Variants in TFCP2L1 observed in about 807,000 individuals in gnomAD.
The protein encoded by TFCP2L1 is transcription factor CP2 like 1.
In TFCP2L1, 12 loss-of-function variants were observed where a neutral mutation model predicts 72.2. That is an observed-to-expected ratio of 0.17 (90% CI 0.11 to 0.27). TFCP2L1 has a LOEUF of 0.27. Among genes scored for constraint, TFCP2L1 ranks in the 10% least tolerant of loss-of-function variants. The probability of loss-of-function intolerance (pLI) is 1.00; values close to 1 mark genes in which losing one functional copy is unlikely to be tolerated. For missense variants in TFCP2L1, 488 were observed against 624.6 expected (o/e 0.78, Z 2.33); for synonymous variants, 260 against 251.0 (o/e 1.04, Z -0.34).
At chr2:121,281,368 C>A (rs1687257426) in intron 1 of TFCP2L1, 97 bp from the exon 2 acceptor site, 7 of 1,391,154 alleles carry the variant, frequency 5.0e-6, no homozygotes, top group South Asian at 1.4e-5. Context: ...ACCACCGGGG[C>A]CCAGGGTGAC....
intron 12 of TFCP2L1, 64 bp downstream of exon 12, chr2:121,234,027 C>T (rs910553251): frequency 1.8e-5 from 25 of 1,423,864 alleles, no homozygotes; most frequent in Admixed American, 8.4e-5. Context: ...GGCCAGACTG[C>T]GGGCTTGAAA....
Position 121,246,920 on chromosome 2 carries a change from C to T in TFCP2L1, c.555G>A (p.Lys185=). 1.2e-6 allele frequency: 2 copies of T among 1,614,174 alleles called. No homozygotes were observed. Among genetic ancestry groups the T allele is most frequent in the South Asian group, 2.2e-5 (2 of 91,068 alleles). ...CAATCTGGACTCGAAAGGGCACTCC[C>T]TTCTCGCCCCCGTGCTTCCTGGGGG... is the stretch of plus-strand genomic sequence containing the variant. ...EFTPRKHGGE[K]GVPFRVQIDT... is the part of the protein sequence containing the mutation. The change falls in exon 6 of 15, where the codon AAG becomes AAA. Residue 185 remains lysine, a synonymous_variant. Coordinates refer to ENST00000263707, the MANE Select transcript of TFCP2L1 (RefSeq NM_014553.3).
intron 3 of TFCP2L1, 67 bp downstream of exon 3, chr2:121,249,495 CCCCAGCAAG>C: frequency 6.9e-7 from 1 of 1,454,652 alleles, no homozygotes; most frequent in Non-Finnish European, 9.6e-7. Context: ...CCGTGCCCAA[CCCCAGCAAG>C]CCCAGGTGCC....
chr2:121,247,051 G>A, intron 5 of TFCP2L1, 81 bp from the exon 6 acceptor site: 1 of 1,542,924 alleles, frequency 6.5e-7, no homozygotes, highest in Non-Finnish European at 8.8e-7. Flanking sequence ...CCCTCTATTG[G>A]AGGTGTCCTT....
intron 2 of TFCP2L1, among the ~76,000 whole-genome samples, chr2:121,278,337 T>G (rs1241183477): frequency 2.7e-5 from 4 of 148,932 alleles, no homozygotes; most frequent in African/African-American, 7.4e-5. Flanking sequence ...CGCCCGGCCC[T>G]TTTTCTCTCT....
At chr2:121,224,474 G>A (rs1374460668) in intron 14 of TFCP2L1, 87 bp from the exon 15 acceptor site, 21 of 1,426,596 alleles carry the variant, frequency 1.5e-5, no homozygotes, top group Non-Finnish European at 1.8e-5. Flanking sequence ...ACGCTGTTAG[G>A]GTATCAGCAA....
chr2:121,251,706 G>T (rs1686618462), intron 2 of TFCP2L1, among the ~76,000 whole-genome samples: 2 of 152,152 alleles, frequency 1.3e-5, no homozygotes, highest in Admixed American at 6.6e-5. Flanking sequence ...AATAATAAAT[G>T]AGGTAATGCC....
intron 14 of TFCP2L1, among the ~76,000 whole-genome samples, chr2:121,224,908 C>T (rs1344863074): frequency 6.6e-6 from 1 of 151,834 alleles, no homozygotes; most frequent in African/African-American, 2.4e-5. Flanking sequence ...TGGTGTGAAC[C>T]CGGGAGGCGG....
intron 1 of TFCP2L1, among the ~76,000 whole-genome samples, chr2:121,283,591 C>T (rs543526463): frequency 8.3e-4 from 126 of 152,344 alleles, no homozygotes; most frequent in Non-Finnish European, 1.3e-3. Context: ...ACTTCCATCT[C>T]GGTAGCAGAT....
At chr2:121,283,508 G>A (rs1455188997) in intron 1 of TFCP2L1, among the ~76,000 whole-genome samples, 6 of 152,100 alleles carry the variant, frequency 3.9e-5, no homozygotes, top group Admixed American at 3.9e-4. Context: ...TGGCTTTACA[G>A]CACCACCCAC....
rs1201206954 is a variant in TFCP2L1 at position 121,221,206 on chromosome 2, T to C, written c.*3135A>G. 1 of 152,200 alleles carries C rather than the reference T, an allele frequency of 6.6e-6. No homozygotes were observed. Among genetic ancestry groups the C allele is most frequent in the Admixed American group, 6.5e-5 (1 of 15,280 alleles). The allele number at this position is 152,200 out of a possible 1,614,324, so 9.4% of individuals were successfully genotyped here. A position where few individuals can be genotyped will look rare whatever the true frequency, so the allele number is the denominator to read the frequency against. Reference sequence around the variant, plus strand: ...ACTTCTAGGTGATTCAGTTTCCTCATGACTCATAACAGGAAATCATTGGTC... The same window carrying C: ...ACTTCTAGGTGATTCAGTTTCCTCACGACTCATAACAGGAAATCATTGGTC... On this transcript the variant is annotated 3_prime_UTR_variant, in exon 15 of 15. Transcript: ENST00000263707.
chr2:121,278,132 G>C (rs1687183571), intron 2 of TFCP2L1, among the ~76,000 whole-genome samples: 1 of 148,174 alleles, frequency 6.7e-6, no homozygotes, highest in African/African-American at 2.5e-5. Flanking sequence ...CGCTTCCCGG[G>C]TTCACGCCAT....
chr2:121,234,348 C>A lies in TFCP2L1; in HGVS notation c.1095-154G>T. On this transcript the variant is annotated intron_variant, in intron 11 of 14. Coordinates refer to ENST00000263707, the MANE Select transcript of TFCP2L1 (RefSeq NM_014553.3). ...TGCCTGTCATGGGGTGGTGGATGAC[C>A]CTCCCAGGTCCCGCAGCCTGCCAAG... is the stretch of plus-strand genomic sequence containing the variant. 6.0e-6 allele frequency: 4 copies of A among 667,182 alleles called. 1 individual carries two copies. The South Asian group carries it at 7.2e-5, about 12-fold the overall frequency. 41.3% of individuals were successfully genotyped at this position (667,182 alleles called of 1,614,324 possible).
intron 2 of TFCP2L1, among the ~76,000 whole-genome samples, chr2:121,251,224 C>G (rs777727343): frequency 6.6e-6 from 1 of 151,766 alleles, no homozygotes; most frequent in Non-Finnish European, 1.5e-5. Context: ...CCACTGCACT[C>G]CAGCCTGGGC....
intron 6 of TFCP2L1, among the ~76,000 whole-genome samples, chr2:121,243,744 G>GA (rs1470045383): frequency 6.6e-6 from 1 of 151,798 alleles, no homozygotes; most frequent in African/African-American, 2.4e-5. Context: ...ACCTCTATAT[G>GA]AGACCATCTA....
At chr2:121,253,175 G>A (rs72828960) in intron 2 of TFCP2L1, among the ~76,000 whole-genome samples, 3,975 of 152,226 alleles carry the variant, frequency 0.026, 82 homozygotes, top group Non-Finnish European at 0.037. Flanking sequence ...GTCAGACTCC[G>A]TCTCAGCCAT....
Position 121,224,249 on chromosome 2 carries a change from TG to T in TFCP2L1, c.*91del. 1 of 1,492,100 alleles carries T rather than the reference TG, an allele frequency of 6.7e-7. No homozygotes were observed. Among genetic ancestry groups the T allele is most frequent in the Non-Finnish European group, 9.3e-7 (1 of 1,079,894 alleles). The allele number at this position is 1,492,100 out of a possible 1,614,324, so 92.4% of individuals were successfully genotyped here. A position where few individuals can be genotyped will look rare whatever the true frequency, so the allele number is the denominator to read the frequency against. On this transcript the variant is annotated 3_prime_UTR_variant, in exon 15 of 15. Coordinates refer to ENST00000263707, the MANE Select transcript of TFCP2L1 (RefSeq NM_014553.3). Reference sequence around the variant, plus strand: ...GGGTCCCTCCTGGCCTCAGCTTGCCTGGTGAGGCCACAGCTTACAGTGGGGC... The same window carrying T: ...GGGTCCCTCCTGGCCTCAGCTTGCCTGTGAGGCCACAGCTTACAGTGGGGC...
intron 2 of TFCP2L1, among the ~76,000 whole-genome samples, chr2:121,271,980 C>G (rs758166163): frequency 6.6e-6 from 1 of 152,116 alleles, no homozygotes; most frequent in Non-Finnish European, 1.5e-5. Flanking sequence ...TCCTTCCCCC[C>G]ACAAAGCTTC....
intron 2 of TFCP2L1, among the ~76,000 whole-genome samples, chr2:121,257,266 C>A (rs2104722097): frequency 6.6e-6 from 1 of 152,166 alleles, no homozygotes; most frequent in Admixed American, 6.5e-5. Flanking sequence ...GAGCTGAGGC[C>A]CCCTCCTGCC....
Sources: gnomAD v4.1 joint callset for allele counts (sites outside exome capture counted in the v4.1 genomes callset) on GRCh38, gnomAD v4.1.1 for gene constraint, MANE v1.5 for transcripts, NCBI Gene and HGNC (gene_info 2026-07-23, HGNC 2026-07-21) for gene names.